The following EFHC1 variants were observed in gnomAD, a reference collection of about 807,000 sequenced individuals.
EFHC1 encodes EF-hand domain-containing protein 1.
In EFHC1, 53 loss-of-function variants were observed where a neutral mutation model predicts 69.9. The ratio of observed to expected loss-of-function variants is 0.76; its 90% confidence interval spans 0.61 to 0.95. The LOEUF is 0.95. Ranked by LOEUF, EFHC1 falls within the 40% of genes least tolerant of loss-of-function variation. The probability of loss-of-function intolerance (pLI) is 0.00; values close to 1 mark genes in which losing one functional copy is unlikely to be tolerated. For synonymous variants in EFHC1, 256 were observed against 278.4 expected (o/e 0.92, Z 0.80); for missense variants, 739 against 798.7 (o/e 0.93, Z 0.90).
In EFHC1 at chr6:52,474,434, T is replaced by G. The variant is rs141988793; in HGVS notation, c.1279-4603T>G. On this transcript the variant is annotated intron_variant, in intron 7 of 10. Transcript: ENST00000371068. ...TCATTAATATGTTGATGAGAATATG[T>G]AACCATAGGAACTCTCATACTCTTT... is the stretch of plus-strand genomic sequence containing the variant. 5.6e-3 allele frequency among the ~76,000 whole-genome samples: 847 copies of G among 152,316 alleles called. 8 individuals are homozygous for G. The highest frequency in any genetic ancestry group is 0.019 in the African/African-American group (794 of 41,558).
At chr6:52,462,759 G>A (rs1014122659) in intron 5 of EFHC1, among the ~76,000 whole-genome samples, 1 of 151,658 alleles carries the variant, frequency 6.6e-6, no homozygotes, top group East Asian at 2.0e-4. Context: ...ATGGTGGCAC[G>A]CACCTGTAGT....
intron 5 of EFHC1, among the ~76,000 whole-genome samples, chr6:52,459,474 C>CT (rs1282797083): frequency 6.6e-6 from 1 of 152,130 alleles, no homozygotes; most frequent in Non-Finnish European, 1.5e-5. Context: ...GCCATAGTTA[C>CT]TTATTAGAGA....
At chr6:52,487,770 G>C (rs1765816771) in intron 9 of EFHC1, 1 of 152,238 alleles carries the variant, frequency 6.6e-6, no homozygotes, top group East Asian at 1.9e-4. Context: ...TCATTGGAGG[G>C]CTTGGCACAG....
At chr6:52,484,507 A>G (rs1285095583) in intron 9 of EFHC1, 1 of 152,220 alleles carries the variant, frequency 6.6e-6, no homozygotes, top group Non-Finnish European at 1.5e-5. Flanking sequence ...ACTTAGTAGT[A>G]GAAGATGACT....
chr6:52,423,881 A>T (rs1764243522), intron 1 of EFHC1, 65 bp from the exon 2 acceptor site: 3 of 1,601,798 alleles, frequency 1.9e-6, no homozygotes, highest in East Asian at 2.2e-5. Context: ...TTTAAAAGTT[A>T]GTTTTTTTTT....
intron 1 of EFHC1, among the ~76,000 whole-genome samples, chr6:52,422,826 C>T (rs918093667): frequency 2.0e-5 from 3 of 152,134 alleles, no homozygotes; most frequent in African/African-American, 7.2e-5. Flanking sequence ...CCAGTCTCTT[C>T]ATGCACATAT....
intron 3 of EFHC1, among the ~76,000 whole-genome samples, chr6:52,448,497 A>G (rs1163098826): frequency 6.6e-6 from 1 of 152,110 alleles, no homozygotes; most frequent in Non-Finnish European, 1.5e-5. Context: ...AGGAAAGGGA[A>G]TTCCCCGACC....
At chr6:52,425,220 A>G (rs1764277758) in intron 2 of EFHC1, among the ~76,000 whole-genome samples, 1 of 152,146 alleles carries the variant, frequency 6.6e-6, no homozygotes, top group Non-Finnish European at 1.5e-5. Context: ...CATCCACTAA[A>G]CAGTATGATT....
At chr6:52,427,611 A>C (rs1429967102) in intron 2 of EFHC1, among the ~76,000 whole-genome samples, 7 of 148,674 alleles carry the variant, frequency 4.7e-5, no homozygotes, top group Non-Finnish European at 8.9e-5. Flanking sequence ...TGATTTGTTT[A>C]GTGTTTATCT....
At chr6:52,461,957 C>A (rs1010941203) in intron 5 of EFHC1, among the ~76,000 whole-genome samples, 2 of 152,008 alleles carry the variant, frequency 1.3e-5, no homozygotes, top group African/African-American at 4.8e-5. Flanking sequence ...AAATCTGTAG[C>A]ACCATTATTC....
intron 1 of EFHC1, chr6:52,423,578 T>G (rs1291184577): frequency 6.2e-6 from 3 of 480,192 alleles, no homozygotes; most frequent in Non-Finnish European, 1.1e-5. Context: ...CATAGCTTAT[T>G]GCAGCTTGGA....
intron 3 of EFHC1, among the ~76,000 whole-genome samples, chr6:52,448,677 C>T (rs2113989664): frequency 6.6e-6 from 1 of 152,282 alleles, no homozygotes; most frequent in South Asian, 2.1e-4. Flanking sequence ...CCTGTTCGGC[C>T]ATCCTGGAAC....
intron 3 of EFHC1, among the ~76,000 whole-genome samples, chr6:52,440,397 C>T (rs1764634940): frequency 1.3e-5 from 2 of 152,018 alleles, no homozygotes; most frequent in Non-Finnish European, 2.9e-5. Context: ...CACTAAATAG[C>T]ACTTCATCAC....
Position 52,492,534 on chromosome 6 carries a change from TA to T in EFHC1, c.*194del, listed in dbSNP as rs774572756. On this transcript the variant is annotated 3_prime_UTR_variant, in exon 11 of 11. Transcript: ENST00000371068. ...AAGATTGGTGCCTTATTTAGGGTGA[TA>T]GGGGTATAGCAATGTCTAATTTTGT... 8.2e-5 allele frequency: 57 copies of T among 696,828 alleles called. No homozygotes were observed. In the East Asian group the frequency reaches 1.2e-3, roughly 15 times the overall value. 43.2% of individuals were successfully genotyped at this position (696,828 alleles called of 1,614,324 possible). A position where few individuals can be genotyped will look rare whatever the true frequency, so the allele number is the denominator to read the frequency against.
chr6:52,445,910 C>T (rs1186497773), intron 3 of EFHC1, among the ~76,000 whole-genome samples: 2 of 152,200 alleles, frequency 1.3e-5, no homozygotes, highest in Non-Finnish European at 2.9e-5. Context: ...TTTGATTGCA[C>T]TGTGGTCTGA....
At chr6:52,431,539 A>G (rs1342527675) in intron 2 of EFHC1, among the ~76,000 whole-genome samples, 3 of 152,100 alleles carry the variant, frequency 2.0e-5, no homozygotes, top group Non-Finnish European at 2.9e-5. Flanking sequence ...TTGACGTCCA[A>G]TTTTATTCCA....
chr6:52,491,186 G>A (rs955326516), intron 10 of EFHC1, among the ~76,000 whole-genome samples: 1 of 152,128 alleles, frequency 6.6e-6, no homozygotes, highest in Non-Finnish European at 1.5e-5. Context: ...TTGTTCATGT[G>A]GACCAAACAC....
intron 4 of EFHC1, 140 bp downstream of exon 4, chr6:52,452,977 C>T: frequency 6.4e-7 from 1 of 1,574,088 alleles, no homozygotes; most frequent in Non-Finnish European, 8.6e-7. Context: ...ACAGTACTGT[C>T]TTTCTGCTTT....
chr6:52,454,011 A>C, intron 4 of EFHC1, 84 bp from the exon 5 acceptor site: 1 of 1,606,364 alleles, frequency 6.2e-7, no homozygotes, highest in Non-Finnish European at 8.5e-7. Context: ...TAGTCTTTCC[A>C]TCGTTGATAC....
Sources: gnomAD v4.1 joint callset for allele counts (sites outside exome capture counted in the v4.1 genomes callset) on GRCh38, gnomAD v4.1.1 for gene constraint, MANE v1.5 for transcripts, NCBI Gene and HGNC (gene_info 2026-07-23, HGNC 2026-07-21) for gene names.